Variants in PTPRE observed in about 807,000 individuals in gnomAD.
PTPRE encodes the protein protein tyrosine phosphatase receptor type E.
A neutral mutation model predicts 102.0 loss-of-function variants in PTPRE; 51 were observed. The observed-to-expected ratio is 0.50, with a 90% confidence interval of 0.40 to 0.63. The LOEUF is 0.63. Ranked by LOEUF, PTPRE falls within the 30% of genes least tolerant of loss-of-function variation. The pLI, the probability that PTPRE is intolerant of heterozygous loss-of-function variation, is 0.00. For synonymous variants in PTPRE, 345 were observed against 348.2 expected (o/e 0.99, Z 0.10); for missense variants, 752 against 915.1 (o/e 0.82, Z 2.30).
chr10:127,966,208 C>T (rs1271023813), intron 1 of PTPRE, among the ~76,000 whole-genome samples: 1 of 152,168 alleles, frequency 6.6e-6, no homozygotes, highest in Non-Finnish European at 1.5e-5. Context: ...TGGTTTTCTG[C>T]CTCTGGGACC....
At chr10:128,036,821 C>G (rs373925521) in intron 2 of PTPRE, among the ~76,000 whole-genome samples, 1 of 152,168 alleles carries the variant, frequency 6.6e-6, no homozygotes, top group African/African-American at 2.4e-5. Flanking sequence ...GAGGAACCAC[C>G]GAGGAATCTT....
intron 1 of PTPRE, among the ~76,000 whole-genome samples, chr10:127,953,929 CAGA>C (rs1247282521): frequency 6.6e-6 from 1 of 152,170 alleles, no homozygotes; most frequent in African/African-American, 2.4e-5. Flanking sequence ...GTGATTTGGC[CAGA>C]AGGTCAGGGA....
At position 128,040,963 on chromosome 10, in the gene PTPRE, G is replaced by T. The variant is rs377165003; in HGVS notation, c.82G>T (p.Asp28Tyr). 1 of 1,613,998 alleles carries T rather than the reference G, an allele frequency of 6.2e-7. No individual in the cohort carries two copies. The highest frequency in any genetic ancestry group is 8.5e-7 in the Non-Finnish European group (1 of 1,179,976). The stretch of plus-strand genomic sequence containing the variant: ...TCTCAGGGGCAACGAGACCACTGCC[G>T]ACAGCAACGAGACAACCACGACCTC... ...RALRGNETTADSNETTTTSGP... is the reference protein window; with the variant it reads ...RALRGNETTAYSNETTTTSGP... Residue 28 changes from aspartate to tyrosine, a missense_variant, in exon 3 of 21, where the codon GAC (aspartate) becomes TAC (tyrosine). Physicochemically the swap from Asp to Tyr is radical, Grantham distance 160 (BLOSUM62 -3). Transcript: ENST00000254667.
At chr10:127,945,881 C>A (rs12415432) in intron 1 of PTPRE, among the ~76,000 whole-genome samples, 7,213 of 152,078 alleles carry the variant, frequency 0.047, 262 homozygotes, top group Middle Eastern at 0.078. Context: ...CTCTTCTGGT[C>A]GTGCATATTG....
At chr10:127,920,627 G>A (rs924573816) in intron 1 of PTPRE, among the ~76,000 whole-genome samples, 4 of 152,198 alleles carry the variant, frequency 2.6e-5, no homozygotes, top group African/African-American at 9.7e-5. Context: ...TCTCCAGGAC[G>A]TTTCAGTGCA....
intron 1 of PTPRE, among the ~76,000 whole-genome samples, chr10:127,958,089 T>A (rs1849534239): frequency 6.6e-6 from 1 of 152,216 alleles, no homozygotes; most frequent in African/African-American, 2.4e-5. Context: ...GGTTTTTTTG[T>A]TTTGTTTTTA....
intron 1 of PTPRE, among the ~76,000 whole-genome samples, chr10:127,966,248 C>T (rs1589852705): frequency 6.6e-6 from 1 of 152,142 alleles, no homozygotes; most frequent in African/African-American, 2.4e-5. Flanking sequence ...GTCCATCCCC[C>T]TCAGCAGGTG....
chr10:127,928,582 A>G (rs1211983752), intron 1 of PTPRE, among the ~76,000 whole-genome samples: 1 of 152,104 alleles, frequency 6.6e-6, no homozygotes, highest in African/African-American at 2.4e-5. Flanking sequence ...TGTCTCCTGG[A>G]TGGAGGACAG....
At position 128,063,188 on chromosome 10, in the gene PTPRE, C is replaced by A. The variant is rs779664046; in HGVS notation, c.723+8C>A. On this transcript the variant is annotated splice_region_variant and intron_variant, in intron 10 of 20. Coordinates refer to ENST00000254667, the MANE Select transcript of PTPRE (RefSeq NM_006504.6). Reference sequence around the variant, plus strand: ...TTGAAAGAAAGGAAAGAGGTGAGTTCCAGGCATCTGGCCCCGGTATCACTT... The same window carrying A: ...TTGAAAGAAAGGAAAGAGGTGAGTTACAGGCATCTGGCCCCGGTATCACTT... The A allele has an allele frequency of 4.3e-6, 7 of 1,613,966 alleles. No individual in the cohort carries two copies. The highest frequency in any genetic ancestry group is 5.9e-6 in the Non-Finnish European group (7 of 1,179,916).
chr10:127,948,598 A>G (rs1444338930), intron 1 of PTPRE, among the ~76,000 whole-genome samples: 1 of 152,226 alleles, frequency 6.6e-6, no homozygotes. Context: ...TGTGGTTGGA[A>G]TCATATAATA....
chr10:128,003,308 A>T (rs1048867651), intron 2 of PTPRE, among the ~76,000 whole-genome samples: 2 of 152,126 alleles, frequency 1.3e-5, no homozygotes, highest in East Asian at 1.9e-4. Flanking sequence ...TCCTAATCAC[A>T]CTGGGTGGTT....
intron 1 of PTPRE, among the ~76,000 whole-genome samples, chr10:127,971,294 C>T (rs1850709925): frequency 2.0e-5 from 3 of 152,202 alleles, no homozygotes; most frequent in South Asian, 2.1e-4. Context: ...CAGCCCAAGA[C>T]GAAGTATCAG....
At chr10:128,067,103 C>T (rs1028758065) in intron 11 of PTPRE, among the ~76,000 whole-genome samples, 4 of 151,216 alleles carry the variant, frequency 2.6e-5, no homozygotes, top group Admixed American at 6.6e-5. Flanking sequence ...TGCACACACA[C>T]GCACACAACC....
At chr10:128,072,047 G>A (rs564963454) in intron 15 of PTPRE, 91 bp from the exon 16 acceptor site, 1 of 937,958 alleles carries the variant, frequency 1.1e-6, no homozygotes, top group African/African-American at 1.7e-5. Flanking sequence ...TTTATTAATA[G>A]GATCTATATT....
chr10:127,999,414 G>C lies in PTPRE; in HGVS notation c.-8+17118G>C, dbSNP rs1021021894. On this transcript the variant is annotated intron_variant, in intron 2 of 20. Transcript: ENST00000254667. ...TAGAACTAAATGTGAACCACGGGGG[G>C]AATCATGATCGACATTGCTCGTTGT... is the stretch of plus-strand genomic sequence containing the variant. 7.3e-5 allele frequency: 25 copies of C among 340,470 alleles called. No homozygotes were observed. The Admixed American group carries it at 9.7e-4, about 13-fold the overall frequency. 21.1% of individuals were successfully genotyped at this position (340,470 alleles called of 1,614,324 possible).
intron 6 of PTPRE, among the ~76,000 whole-genome samples, chr10:128,054,208 C>T (rs1848771243): frequency 6.6e-6 from 1 of 152,162 alleles, no homozygotes; most frequent in South Asian, 2.1e-4. Context: ...GTTTCAACTG[C>T]TGCAATTGAT....
intron 2 of PTPRE, chr10:127,998,291 A>ACTTT (rs1853488268): frequency 6.6e-6 from 1 of 152,230 alleles, no homozygotes; most frequent in Non-Finnish European, 1.5e-5. Flanking sequence ...GTCACCAAAG[A>ACTTT]AAGCAAAGCA....
At chr10:128,039,554 A>G (rs191030437) in intron 2 of PTPRE, among the ~76,000 whole-genome samples, 15 of 152,354 alleles carry the variant, frequency 9.8e-5, no homozygotes, top group African/African-American at 3.6e-4. Context: ...TAATATCCTC[A>G]TAATGGTTTC....
At chr10:128,034,097 C>G (rs60069313) in intron 2 of PTPRE, among the ~76,000 whole-genome samples, 1 of 152,064 alleles carries the variant, frequency 6.6e-6, no homozygotes, top group African/African-American at 2.4e-5. Flanking sequence ...AAAACACTGC[C>G]GCTTTGTAGT....
Sources: allele counts gnomAD v4.1 joint callset (sites outside exome capture counted in the v4.1 genomes callset), GRCh38; gene constraint gnomAD v4.1.1; transcripts MANE v1.5; gene names NCBI Gene and HGNC (gene_info 2026-07-23, HGNC 2026-07-21).